Variants in MPPED2 observed in about 807,000 individuals in gnomAD.
The protein encoded by MPPED2 is metallophosphoesterase MPPED2.
A neutral mutation model predicts 33.0 loss-of-function variants in MPPED2; 5 were observed. The observed-to-expected ratio is 0.15, with a 90% CI of 0.08 to 0.32. MPPED2 has a LOEUF of 0.32. Ranked by LOEUF, MPPED2 falls within the 10% of genes least tolerant of loss-of-function variation. The pLI is 1.00. For missense variants in MPPED2, 275 were observed against 372.1 expected (o/e 0.74, Z 2.15); for synonymous variants, 136 against 141.9 (o/e 0.96, Z 0.29).
intron 3 of MPPED2, among the ~76,000 whole-genome samples, chr11:30,500,969 A>T (rs916715923): frequency 6.6e-6 from 1 of 152,172 alleles, no homozygotes; most frequent in Non-Finnish European, 1.5e-5. Flanking sequence ...GCCCGCATGA[A>T]GTGTCCTGTT....
intron 4 of MPPED2, among the ~76,000 whole-genome samples, chr11:30,487,497 G>A (rs1248907438): frequency 1.3e-5 from 2 of 152,146 alleles, no homozygotes; most frequent in Non-Finnish European, 2.9e-5. Context: ...ATCTGTGTGT[G>A]TGAGAGACAG....
At chr11:30,545,511 C>G (rs913430393) in intron 2 of MPPED2, among the ~76,000 whole-genome samples, 1 of 152,066 alleles carries the variant, frequency 6.6e-6, no homozygotes. Context: ...GATCAGGACA[C>G]GAACATCATT....
At chr11:30,517,925 C>T (rs916142134) in intron 3 of MPPED2, among the ~76,000 whole-genome samples, 2 of 152,036 alleles carry the variant, frequency 1.3e-5, no homozygotes, top group South Asian at 2.1e-4. Context: ...TCTTACTCTG[C>T]GATGCATTTT....
intron 4 of MPPED2, among the ~76,000 whole-genome samples, chr11:30,452,291 C>T (rs528750108): frequency 9.6e-4 from 146 of 152,302 alleles, no homozygotes; most frequent in Non-Finnish European, 1.8e-3. Context: ...GAAGGCCTTC[C>T]CTCTAGCACT....
intron 4 of MPPED2, among the ~76,000 whole-genome samples, chr11:30,485,441 T>TTTACACG: frequency 6.6e-6 from 1 of 152,308 alleles, no homozygotes; most frequent in Non-Finnish European, 1.5e-5. Context: ...ATGTGTAACA[T>TTTACACG]TTACACATGT....
At chr11:30,526,844 G>T (rs1025815324) in intron 3 of MPPED2, among the ~76,000 whole-genome samples, 9 of 151,978 alleles carry the variant, frequency 5.9e-5, no homozygotes, top group Non-Finnish European at 8.8e-5. Flanking sequence ...GAAGTGCCAG[G>T]TACTTTACTA....
At chr11:30,482,696 C>T (rs1191067996) in intron 4 of MPPED2, among the ~76,000 whole-genome samples, 1 of 152,120 alleles carries the variant, frequency 6.6e-6, no homozygotes, top group African/African-American at 2.4e-5. Context: ...TATTTGTATT[C>T]TGCTTAACCA....
At chr11:30,529,812 C>A (rs1423458863) in intron 3 of MPPED2, among the ~76,000 whole-genome samples, 1 of 152,156 alleles carries the variant, frequency 6.6e-6, no homozygotes, top group Non-Finnish European at 1.5e-5. Context: ...TGTCTGCAAT[C>A]TGGGATGTTG....
At chr11:30,529,338 T>C (rs887987954) in intron 3 of MPPED2, among the ~76,000 whole-genome samples, 4 of 152,216 alleles carry the variant, frequency 2.6e-5, no homozygotes, top group African/African-American at 4.8e-5. Context: ...ATTTTATACT[T>C]TACACACATC....
intron 3 of MPPED2, among the ~76,000 whole-genome samples, chr11:30,532,576 T>C (rs1954588111): frequency 6.6e-6 from 1 of 152,158 alleles, no homozygotes; most frequent in African/African-American, 2.4e-5. Flanking sequence ...ACAGAGCATA[T>C]CCTCACAACC....
At chr11:30,480,684 A>T (rs1951445319) in intron 4 of MPPED2, among the ~76,000 whole-genome samples, 1 of 152,150 alleles carries the variant, frequency 6.6e-6, no homozygotes, top group Non-Finnish European at 1.5e-5. Context: ...ATGAATGCTA[A>T]ATTTACTTGA....
In MPPED2 at chr11:30,433,027, A is replaced by G. The variant is rs185082570; in HGVS notation, c.537-15394T>C. ...TGCACTGTTCTGATGGGGGTCCCCA[A>G]TCTCCAGTTCGGTGATGGCTCTAGA... On this transcript the variant is annotated intron_variant, in intron 4 of 6. Coordinates refer to ENST00000358117, the MANE Select transcript of MPPED2 (RefSeq NM_001584.3). Among the ~76,000 whole-genome samples, 420 of 152,354 alleles carry G rather than the reference A, an allele frequency of 2.8e-3. 2 individuals carry two copies. The highest frequency in any genetic ancestry group is 9.7e-3 in the African/African-American group (402 of 41,588).
exon 7 of MPPED2, chr11:30,384,901 C>T (rs1034759972): frequency 6.6e-6 from 1 of 152,220 alleles, no homozygotes; most frequent in African/African-American, 2.4e-5. Flanking sequence ...TTCTTGATTG[C>T]TAATTCCATA....
At chr11:30,486,236 G>C (rs1272692727) in intron 4 of MPPED2, among the ~76,000 whole-genome samples, 1 of 152,200 alleles carries the variant, frequency 6.6e-6, no homozygotes, top group Non-Finnish European at 1.5e-5. Flanking sequence ...TACAGGTTAA[G>C]ACTGTCAATG....
chr11:30,402,017 G>A (rs904359199), intron 6 of MPPED2, among the ~76,000 whole-genome samples: 7 of 151,998 alleles, frequency 4.6e-5, no homozygotes, highest in African/African-American at 1.7e-4. Context: ...TTTTAGAAGG[G>A]CTAACGTATA....
At chr11:30,541,844 G>T (rs1955139057) in intron 2 of MPPED2, among the ~76,000 whole-genome samples, 1 of 152,116 alleles carries the variant, frequency 6.6e-6, no homozygotes, top group African/African-American at 2.4e-5. Flanking sequence ...CACCTGCCTT[G>T]GCCTCCCAAA....
intron 4 of MPPED2, among the ~76,000 whole-genome samples, chr11:30,472,315 G>C (rs1950984738): frequency 1.3e-5 from 2 of 152,128 alleles, no homozygotes; most frequent in South Asian, 4.2e-4. Context: ...GAGCCGTGGT[G>C]GTGCCATAGC....
chr11:30,497,667 G>A (rs1259703853), intron 3 of MPPED2, among the ~76,000 whole-genome samples: 3 of 150,846 alleles, frequency 2.0e-5, no homozygotes, highest in African/African-American at 7.4e-5. Flanking sequence ...TATGGCAAAG[G>A]AAGTATATTT....
intron 3 of MPPED2, among the ~76,000 whole-genome samples, chr11:30,508,457 C>A (rs1477682616): frequency 1.3e-5 from 2 of 152,140 alleles, no homozygotes; most frequent in East Asian, 3.9e-4. Context: ...CTTTTATGGG[C>A]TGAATTGTGT....
Sources: allele counts gnomAD v4.1 joint callset (sites outside exome capture counted in the v4.1 genomes callset), GRCh38; gene constraint gnomAD v4.1.1; transcripts MANE v1.5; gene names NCBI Gene and HGNC (gene_info 2026-07-23, HGNC 2026-07-21).